Variants in PRKAR1A observed in about 807,000 individuals in gnomAD.
PRKAR1A encodes the protein cAMP-dependent protein kinase type I-alpha regulatory subunit.
In PRKAR1A, 3 loss-of-function variants were observed where a neutral mutation model predicts 52.0. That is an observed-to-expected ratio of 0.06 (90% CI 0.03 to 0.15). The LOEUF (loss-of-function observed/expected upper bound fraction) is 0.15, where lower values mean the gene tolerates loss of function less well. PRKAR1A is among the 10% of genes least tolerant of loss of function. PRKAR1A has a pLI of 1.00. For missense variants in PRKAR1A, 240 were observed against 477.4 expected, an observed-to-expected ratio of 0.50 and a Z score of 4.63; for synonymous variants, 188 against 168.4, an observed-to-expected ratio of 1.12 and a Z score of -0.90.
the PRKAR1A span, among the ~76,000 whole-genome samples, chr17:68,496,607 G>A: frequency 6.6e-6 from 1 of 152,084 alleles, no homozygotes; most frequent in Non-Finnish European, 1.5e-5. Context: ...TCTTGCAGGG[G>A]TCATCATTTG....
chr17:68,550,069 G>A (rs900591965), intron 11 of PRKAR1A, among the ~76,000 whole-genome samples: 24 of 152,226 alleles, frequency 1.6e-4, no homozygotes, highest in Middle Eastern at 3.4e-3. Flanking sequence ...CGGTTACAAC[G>A]GGTTGATGGT....
the PRKAR1A span, among the ~76,000 whole-genome samples, chr17:68,452,278 C>T: frequency 2.0e-5 from 3 of 152,160 alleles, no homozygotes; most frequent in East Asian, 5.8e-4. Context: ...AAATAAGTCA[C>T]AGGTGGCTGG....
intron 2 of PRKAR1A, among the ~76,000 whole-genome samples, chr17:68,518,728 C>G (rs1195193765): frequency 2.0e-5 from 3 of 152,236 alleles, no homozygotes; most frequent in Non-Finnish European, 4.4e-5. Flanking sequence ...CATTTGGCTC[C>G]TTGTTACTTA....
the PRKAR1A span, among the ~76,000 whole-genome samples, chr17:68,432,055 A>C: frequency 6.6e-6 from 1 of 152,236 alleles, no homozygotes; most frequent in South Asian, 2.1e-4. Context: ...GTGAAAGAAA[A>C]TCCTAAAAAG....
chr17:68,523,236 T>G (rs989727948), intron 3 of PRKAR1A, among the ~76,000 whole-genome samples: 1 of 152,202 alleles, frequency 6.6e-6, no homozygotes, highest in East Asian at 1.9e-4. Flanking sequence ...TGCTATCCTA[T>G]TAAATGTTGT....
chr17:68,502,277 A>G, the PRKAR1A span, among the ~76,000 whole-genome samples: 60 of 152,330 alleles, frequency 3.9e-4, no homozygotes, highest in African/African-American at 1.3e-3. Context: ...TTGGTAAGCT[A>G]TGGCTCATGG....
chr17:68,426,604 C>T, the PRKAR1A span, among the ~76,000 whole-genome samples: 316 of 152,312 alleles, frequency 2.1e-3, no homozygotes, highest in African/African-American at 7.5e-3. Context: ...ATGATCTCAG[C>T]TCACTGCAAT....
the PRKAR1A span, among the ~76,000 whole-genome samples, chr17:68,503,009 A>G: frequency 6.6e-6 from 1 of 152,204 alleles, no homozygotes; most frequent in Non-Finnish European, 1.5e-5. Context: ...AGCTTTGGGA[A>G]AGTGAAAAAT....
the PRKAR1A span, among the ~76,000 whole-genome samples, chr17:68,441,959 T>C: frequency 6.6e-6 from 1 of 152,224 alleles, no homozygotes; most frequent in Non-Finnish European, 1.5e-5. Context: ...GGCATTCTTT[T>C]ATCTGAGACA....
chr17:68,505,115 C>T, the PRKAR1A span, among the ~76,000 whole-genome samples: 1 of 151,968 alleles, frequency 6.6e-6, no homozygotes, highest in African/African-American at 2.4e-5. Context: ...GGCAATGTGG[C>T]AAAACCCTGT....
At chr17:68,426,224 AT>A in the PRKAR1A span, 2 of 1,041,798 alleles carry the variant, frequency 1.9e-6, no homozygotes, top group Non-Finnish European at 2.8e-6. Context: ...ATCTGCTTTT[AT>A]GCCATGACCT....
At chr17:68,423,466 G>A in the PRKAR1A span, among the ~76,000 whole-genome samples, 4 of 152,176 alleles carry the variant, frequency 2.6e-5, no homozygotes, top group African/African-American at 9.7e-5. This position sits in a 1 kb window ranked among gnomAD's most constrained non-coding sequence, Gnocchi z 4.4. Context: ...TGGCTGCCAC[G>A]ACACAGCCCT....
chr17:68,486,536 T>G, the PRKAR1A span, among the ~76,000 whole-genome samples: 1 of 139,494 alleles, frequency 7.2e-6, no homozygotes, highest in South Asian at 2.3e-4. Flanking sequence ...TTTCTTTCTT[T>G]CTTTCTTTCT....
At chr17:68,451,413 G>A in the PRKAR1A span, among the ~76,000 whole-genome samples, 2 of 152,126 alleles carry the variant, frequency 1.3e-5, no homozygotes, top group East Asian at 3.9e-4. Context: ...CAGCCTGGGC[G>A]ACAAGCAAGA....
the PRKAR1A span, among the ~76,000 whole-genome samples, chr17:68,458,738 C>T: frequency 6.6e-6 from 1 of 152,188 alleles, no homozygotes; most frequent in African/African-American, 2.4e-5. Flanking sequence ...AGCAGGAGCT[C>T]TGCCAGCTTT....
At chr17:68,543,851 C>T in intron 11 of PRKAR1A, 1 of 793,876 alleles carries the variant, frequency 1.3e-6, no homozygotes, top group Non-Finnish European at 2.1e-6. Context: ...CAGGCGATGG[C>T]ACGGCAAGTC....
At chr17:68,483,432 G>A in the PRKAR1A span, among the ~76,000 whole-genome samples, 1 of 152,164 alleles carries the variant, frequency 6.6e-6, no homozygotes, top group Non-Finnish European at 1.5e-5. Context: ...AGTGAGCTGA[G>A]ATGACGCCAC....
At chr17:68,495,659 A>C in the PRKAR1A span, among the ~76,000 whole-genome samples, 1 of 152,118 alleles carries the variant, frequency 6.6e-6, no homozygotes, top group African/African-American at 2.4e-5. Context: ...ATTGTAGCAC[A>C]TTTGTTCTCA....
the PRKAR1A span, among the ~76,000 whole-genome samples, chr17:68,460,516 T>C: frequency 2.0e-5 from 3 of 152,236 alleles, no homozygotes; most frequent in Non-Finnish European, 4.4e-5. Context: ...CTTCCCAGCC[T>C]CAGCCTTTCC....
Sources: allele counts gnomAD v4.1 joint callset (sites outside exome capture counted in the v4.1 genomes callset), GRCh38; gene constraint gnomAD v4.1.1; non-coding constraint Gnocchi (gnomAD v3.1); transcripts MANE v1.5; gene names NCBI Gene and HGNC (gene_info 2026-07-23, HGNC 2026-07-21).